Variants in FOXP2 observed in about 807,000 individuals in gnomAD.
The protein encoded by FOXP2 is forkhead box P2.
A neutral mutation model predicts 115.8 loss-of-function variants in FOXP2; 12 were observed. The ratio of observed to expected loss-of-function variants is 0.10; its 90% CI spans 0.07 to 0.17. The LOEUF is 0.17. Among genes scored for constraint, FOXP2 ranks in the 10% least tolerant of loss-of-function variants. The pLI is 1.00. For missense variants in FOXP2, 629 were observed against 843.5 expected (o/e 0.75, Z 3.15); for synonymous variants, 328 against 297.7 (o/e 1.10, Z -1.05).
chr7:114,492,423 C>G (rs1029561263), intron 2 of FOXP2, among the ~76,000 whole-genome samples: 2 of 152,100 alleles, frequency 1.3e-5, no homozygotes, highest in African/African-American at 4.8e-5. Context: ...CAGTTCTGCT[C>G]TGATCTTAGT....
chr7:114,327,500 T>C (rs1277033741), intron 2 of FOXP2, among the ~76,000 whole-genome samples: 1 of 152,016 alleles, frequency 6.6e-6, no homozygotes, highest in East Asian at 1.9e-4. Flanking sequence ...TTTTACTTTG[T>C]GTTTTCTTTT....
At chr7:114,296,492 G>GTA (rs1554364120) in intron 2 of FOXP2, among the ~76,000 whole-genome samples, 21 of 149,586 alleles carry the variant, frequency 1.4e-4, no homozygotes, top group Non-Finnish European at 2.7e-4. Context: ...ATCCTGTGGA[G>GTA]TTTTTTTTTT....
In FOXP2 at chr7:114,659,312, T is replaced by G. The variant is rs1464832005; in HGVS notation, c.1469-44T>G. On this transcript the variant is annotated intron_variant, in intron 11 of 16. Transcript: ENST00000350908. The stretch of plus-strand genomic sequence containing the variant: ...AATATGAAAATTCAATTATATATAA[T>G]GTGAATTATTAGCAGAATTAACACC... 2.3e-6 allele frequency: 3 copies of G among 1,314,038 alleles called. No homozygotes were observed. The South Asian group carries it at 3.5e-5, about 16-fold the overall frequency. The allele number at this position is 1,314,038 out of a possible 1,614,324, so 81.4% of individuals were successfully genotyped here. A position where few individuals can be genotyped will look rare whatever the true frequency, so the allele number is the denominator to read the frequency against.
intron 3 of FOXP2, among the ~76,000 whole-genome samples, chr7:114,545,526 C>T (rs1799872821): frequency 6.6e-6 from 1 of 152,118 alleles, no homozygotes; most frequent in Non-Finnish European, 1.5e-5. Context: ...GCATCCTAAA[C>T]TCCTCAGTAT....
At chr7:114,669,732 T>C (rs1807392984) in intron 16 of FOXP2, 1 of 152,054 alleles carries the variant, frequency 6.6e-6, no homozygotes, top group Non-Finnish European at 1.5e-5. Flanking sequence ...ACTTGGAAGA[T>C]GAACGCATAC....
intron 2 of FOXP2, among the ~76,000 whole-genome samples, chr7:114,518,802 G>T (rs1349971106): frequency 6.6e-6 from 1 of 152,120 alleles, no homozygotes; most frequent in Non-Finnish European, 1.5e-5. Context: ...CACCATGCTT[G>T]GCCCTAGAAT....
chr7:114,320,506 A>G (rs544493913), intron 2 of FOXP2, among the ~76,000 whole-genome samples: 1 of 152,212 alleles, frequency 6.6e-6, no homozygotes, highest in African/African-American at 2.4e-5. Context: ...TTCTTTGTTT[A>G]TTTTTATATT....
intron 2 of FOXP2, among the ~76,000 whole-genome samples, chr7:114,510,000 G>A (rs117857053): frequency 1.1e-4 from 16 of 152,194 alleles, no homozygotes; most frequent in Admixed American, 4.6e-4. Context: ...AGAAATAGCA[G>A]CCAGTGTACA....
At chr7:114,504,303 A>G (rs1422096368) in intron 2 of FOXP2, among the ~76,000 whole-genome samples, 2 of 151,632 alleles carry the variant, frequency 1.3e-5, no homozygotes, top group African/African-American at 4.8e-5. Flanking sequence ...TGCCCTACTT[A>G]CAATGAACAT....
intron 1 of FOXP2, among the ~76,000 whole-genome samples, chr7:114,149,920 G>C (rs1319282032): frequency 6.6e-6 from 1 of 151,884 alleles, no homozygotes; most frequent in East Asian, 1.9e-4. Flanking sequence ...GACTCTTGAC[G>C]TATATGGTAA....
At chr7:114,640,349 C>T (rs1417628651) in intron 6 of FOXP2, among the ~76,000 whole-genome samples, 35 of 151,966 alleles carry the variant, frequency 2.3e-4, no homozygotes, top group Non-Finnish European at 4.4e-4. Context: ...TTTGGAAACC[C>T]GAATTATCCT....
At chr7:114,328,632 A>G (rs954080721) in intron 2 of FOXP2, among the ~76,000 whole-genome samples, 2 of 152,180 alleles carry the variant, frequency 1.3e-5, no homozygotes, top group African/African-American at 4.8e-5. Flanking sequence ...ACTTCAACTA[A>G]TTAGAATAAA....
At chr7:114,446,000 A>G (rs979212379) in intron 2 of FOXP2, among the ~76,000 whole-genome samples, 7 of 152,026 alleles carry the variant, frequency 4.6e-5, no homozygotes, top group African/African-American at 1.7e-4. Flanking sequence ...ATTCTGACTC[A>G]TATAATATAC....
chr7:114,528,774 G>GA (rs945925122), intron 2 of FOXP2, among the ~76,000 whole-genome samples: 80 of 142,728 alleles, frequency 5.6e-4, no homozygotes, highest in African/African-American at 9.2e-4. Context: ...GTCTCATAAT[G>GA]AAAAAAAAAA....
intron 2 of FOXP2, among the ~76,000 whole-genome samples, chr7:114,341,930 A>G (rs1028196384): frequency 6.6e-6 from 1 of 151,286 alleles, no homozygotes; most frequent in Admixed American, 6.6e-5. Context: ...TTATGGCTAG[A>G]TTGGAAGCTG....
intron 2 of FOXP2, among the ~76,000 whole-genome samples, chr7:114,452,190 C>T (rs1795104158): frequency 6.6e-6 from 1 of 151,726 alleles, no homozygotes; most frequent in Non-Finnish European, 1.5e-5. Flanking sequence ...CTTACTTTTC[C>T]ATTTTTCCTT....
chr7:114,110,471 G>C (rs922031158), intron 1 of FOXP2, among the ~76,000 whole-genome samples: 1 of 151,920 alleles, frequency 6.6e-6, no homozygotes, highest in Admixed American at 6.6e-5. Flanking sequence ...AAAGGTTAAT[G>C]GATTGTTTTT....
chr7:114,617,203 A>G (rs1803997131), intron 3 of FOXP2, among the ~76,000 whole-genome samples: 1 of 152,174 alleles, frequency 6.6e-6, no homozygotes, highest in African/African-American at 2.4e-5. Context: ...CTGAGAACCA[A>G]TCCACTTCCT....
At chr7:114,570,828 T>G in intron 3 of FOXP2, 1 of 1,611,928 alleles carries the variant, frequency 6.2e-7, no homozygotes, top group Non-Finnish European at 8.5e-7. Context: ...AGAAACAAAA[T>G]TATGTATCTG....
Sources: gnomAD v4.1 joint callset for allele counts (sites outside exome capture counted in the v4.1 genomes callset) on GRCh38, gnomAD v4.1.1 for gene constraint, MANE v1.5 for transcripts, NCBI Gene and HGNC (gene_info 2026-07-23, HGNC 2026-07-21) for gene names.